Variants in PPEF2 observed in about 807,000 individuals in gnomAD.
PPEF2 encodes protein phosphatase with EF-hand domain 2.
Under a neutral mutation model 84.7 loss-of-function variants are expected in PPEF2, and 84 were observed. That is an observed-to-expected ratio of 0.99 (90% CI 0.83 to 1.19). The LOEUF is 1.19. Ranked by LOEUF, PPEF2 falls within the 50% of genes most tolerant of loss-of-function variation. The pLI is 0.00. For missense variants in PPEF2, 924 were observed against 937.5 expected (o/e 0.99, Z 0.19); for synonymous variants, 346 against 345.2 (o/e 1.00, Z -0.03).
intron 13 of PPEF2, 147 bp downstream of exon 13, chr4:75,871,876 CTA>C (rs1162160697): frequency 1.3e-6 from 1 of 753,034 alleles, no homozygotes; most frequent in East Asian, 2.7e-5. Context: ...ACTCTAATGT[CTA>C]TTGTATTAAT....
intron 2 of PPEF2, among the ~76,000 whole-genome samples, chr4:75,895,650 T>TGAA (rs904885376): frequency 2.0e-5 from 3 of 151,854 alleles, no homozygotes; most frequent in African/African-American, 7.3e-5. Context: ...GAGAATCGCT[T>TGAA]GAACCCAGGA....
At chr4:75,892,035 TG>T in intron 2 of PPEF2, 57 bp from the exon 3 acceptor site, 2 of 1,595,166 alleles carry the variant, frequency 1.3e-6, no homozygotes, top group Non-Finnish European at 1.7e-6. Context: ...GCCAGGGGTT[TG>T]GGGGTAGGGA....
chr4:75,866,108 G>C, intron 15 of PPEF2, 81 bp downstream of exon 15: 9 of 1,410,758 alleles, frequency 6.4e-6, no homozygotes, highest in Non-Finnish European at 8.5e-6. Context: ...GTTATTACTA[G>C]TTGGTTGTTT....
intron 2 of PPEF2, among the ~76,000 whole-genome samples, chr4:75,894,267 A>G (rs1204891508): frequency 1.3e-5 from 2 of 151,982 alleles, no homozygotes; most frequent in African/African-American, 2.4e-5. Flanking sequence ...GATTTAAAGG[A>G]AAAAAATGAT....
intron 12 of PPEF2, 75 bp from the exon 13 acceptor site, chr4:75,872,242 A>T: frequency 7.2e-7 from 1 of 1,379,526 alleles, no homozygotes; most frequent in Non-Finnish European, 9.8e-7. Flanking sequence ...ATGTGGCCCA[A>T]CTCAACTGCA....
intron 9 of PPEF2, 33 bp from the exon 10 acceptor site, chr4:75,883,108 A>T: frequency 6.2e-7 from 1 of 1,613,718 alleles, no homozygotes; most frequent in Non-Finnish European, 8.5e-7. Flanking sequence ...AATGTTATCA[A>T]ATAATTCACT....
Position 75,866,330 on chromosome 4 carries a change from C to T in PPEF2, c.1779G>A (p.Trp593Ter), listed in dbSNP as rs753301083. 6.2e-7 allele frequency: 1 copy of T among 1,613,734 alleles called. No homozygotes were observed. The highest frequency in any genetic ancestry group is 1.1e-5 in the South Asian group (1 of 90,960). Reference sequence around the variant, plus strand: ...GCAACACAGACTCCACCGCTGCTGCCCAGTCACTCAAGGTGATTAAACCTA... The same window carrying T: ...GCAACACAGACTCCACCGCTGCTGCTCAGTCACTCAAGGTGATTAAACCTA... ...DKVGLITLSDWAAAVESVLHL... is the reference protein window; with the variant it reads ...DKVGLITLSD The change falls in exon 15 of 17, where the codon TGG becomes TGA. Residue 593 changes from tryptophan to a stop codon, truncating the protein, a stop_gained. Coordinates refer to ENST00000286719, the MANE Select transcript of PPEF2 (RefSeq NM_006239.3). LOFTEE classifies it high-confidence loss of function.
intron 14 of PPEF2, 44 bp downstream of exon 14, chr4:75,867,269 G>T: frequency 6.8e-7 from 1 of 1,470,862 alleles, no homozygotes; most frequent in Non-Finnish European, 9.5e-7. Context: ...AGATTTTCTG[G>T]CTAGCTTCCT....
At chr4:75,888,456 C>T (rs1724790639) in intron 5 of PPEF2, 128 bp from the exon 6 acceptor site, 1 of 636,290 alleles carries the variant, frequency 1.6e-6, no homozygotes, top group South Asian at 1.9e-5. Context: ...TAAACTGCTC[C>T]TGGGACTATG....
intron 8 of PPEF2, 88 bp downstream of exon 8, chr4:75,884,506 C>G (rs1724669771): frequency 7.3e-7 from 1 of 1,375,090 alleles, no homozygotes; most frequent in East Asian, 2.3e-5. Flanking sequence ...GTTTTAAAGG[C>G]ATTTAACAAA....
intron 7 of PPEF2, among the ~76,000 whole-genome samples, chr4:75,885,206 T>C (rs1408575859): frequency 6.6e-6 from 1 of 152,242 alleles, no homozygotes; most frequent in East Asian, 1.9e-4. Context: ...CCTTGCTATA[T>C]GTTCTACACA....
At chr4:75,876,814 T>A in intron 10 of PPEF2, 141 bp from the exon 11 acceptor site, 1 of 859,896 alleles carries the variant, frequency 1.2e-6, no homozygotes, top group Non-Finnish European at 1.7e-6. Flanking sequence ...AAGACCAGCT[T>A]GAGCAACATG....
Position 75,897,132 on chromosome 4 carries a change from C to T in PPEF2, c.-58-749G>A, listed in dbSNP as rs140971647. Among the ~76,000 whole-genome samples, 309 of 152,154 alleles carry T rather than the reference C, an allele frequency of 2.0e-3. 1 individual carries two copies. The highest frequency in any genetic ancestry group is 6.8e-3 in the African/African-American group (284 of 41,522). On this transcript the variant is annotated intron_variant, in intron 1 of 16. Coordinates refer to ENST00000286719, the MANE Select transcript of PPEF2 (RefSeq NM_006239.3). ...CCTCCCAAAGTGCTGGGATTACAGG[C>T]GTGAGCCACTGCGCCTGGCCAGGCC...
At chr4:75,887,490 G>A (rs1462519967) in intron 6 of PPEF2, among the ~76,000 whole-genome samples, 2 of 151,892 alleles carry the variant, frequency 1.3e-5, no homozygotes, top group African/African-American at 2.4e-5. Context: ...GCGTGGTGGC[G>A]GGCGCCTGTA....
intron 1 of PPEF2, among the ~76,000 whole-genome samples, chr4:75,899,101 T>G (rs2149231788): frequency 6.6e-6 from 1 of 152,316 alleles, no homozygotes; most frequent in South Asian, 2.1e-4. Context: ...ATGAGTGAGA[T>G]CACGCAGTAT....
chr4:75,861,058 C>G (rs1179740278), intron 16 of PPEF2, 138 bp from the exon 17 acceptor site: 3 of 1,044,356 alleles, frequency 2.9e-6, no homozygotes, highest in Non-Finnish European at 4.1e-6. Flanking sequence ...TTTAAACTCC[C>G]AAGAGGATCA....
chr4:75,860,298 C>T lies in PPEF2; in HGVS notation c.*369G>A, dbSNP rs755419546. 85 of 226,912 alleles carry T rather than the reference C, an allele frequency of 3.7e-4. No homozygotes were observed. Among genetic ancestry groups the T allele is most frequent in the Middle Eastern group, 1.7e-3 (1 of 588 alleles). The allele number at this position is 226,912 out of a possible 1,614,324, so 14.1% of individuals were successfully genotyped here. On this transcript the variant is annotated 3_prime_UTR_variant, in exon 17 of 17. Transcript: ENST00000286719. ...CGGACTTTGCGGTGAGCCGAGATCG[C>T]GCCAATGCACTCCAGCCTGGGCAAC... is the stretch of plus-strand genomic sequence containing the variant.
intron 5 of PPEF2, 65 bp from the exon 6 acceptor site, chr4:75,888,393 T>C (rs997207746): frequency 1.6e-6 from 2 of 1,240,178 alleles, no homozygotes; most frequent in Non-Finnish European, 1.2e-6. Flanking sequence ...AAATGGTCCT[T>C]ACCTTTACTG....
In PPEF2 at chr4:75,883,057, G is replaced by T; in HGVS notation, c.802C>A (p.Leu268Ile). 1 of 1,614,030 alleles carries T rather than the reference G, an allele frequency of 6.2e-7. No homozygotes were observed. Among genetic ancestry groups the T allele is most frequent in the Non-Finnish European group, 8.5e-7 (1 of 1,179,956 alleles). Reference protein sequence around the residue: ...NKYKVHGKEILRTLQDVFCWL... With the variant: ...NKYKVHGKEIIRTLQDVFCWL... ...CAGAAAACATCTTGCAGGGTTCTTAGTATTTCCTTCCCGTGTACCTGGAAA... is the reference window on the plus strand; with the variant it reads ...CAGAAAACATCTTGCAGGGTTCTTATTATTTCCTTCCCGTGTACCTGGAAA... The change falls in exon 10 of 17, where the codon CTA (leucine) becomes ATA (isoleucine). Residue 268 changes from leucine to isoleucine, a missense_variant. By Grantham distance (5) the Leu-to-Ile change is conservative. Coordinates refer to ENST00000286719, the MANE Select transcript of PPEF2 (RefSeq NM_006239.3).
Sources: allele counts gnomAD v4.1 joint callset (sites outside exome capture counted in the v4.1 genomes callset), GRCh38; gene constraint gnomAD v4.1.1; transcripts MANE v1.5; gene names NCBI Gene and HGNC (gene_info 2026-07-23, HGNC 2026-07-21).